RNF220: variants seen among roughly 807,000 people sequenced by gnomAD.
RNF220 encodes E3 ubiquitin-protein ligase RNF220.
RNF220 carries 7 observed loss-of-function variants against 67.1 expected under a neutral mutation model. That is an observed-to-expected ratio of 0.10 (90% CI 0.06 to 0.20). RNF220 has a LOEUF of 0.20. Ranked by LOEUF, RNF220 falls within the 10% of genes least tolerant of loss-of-function variation. The pLI is 1.00. For synonymous variants in RNF220, 270 were observed against 283.2 expected, an observed-to-expected ratio of 0.95 and a Z score of 0.47; for missense variants, 565 against 740.3, an observed-to-expected ratio of 0.76 and a Z score of 2.75.
At chr1:44,551,780 CTG>C (rs1190101335) in intron 2 of RNF220, among the ~76,000 whole-genome samples, 1 of 152,360 alleles carries the variant, frequency 6.6e-6, no homozygotes, top group Non-Finnish European at 1.5e-5. Flanking sequence ...CATCCTAAGA[CTG>C]AGATTTTACC....
At chr1:44,409,615 AT>A (rs1647767581) in intron 1 of RNF220, among the ~76,000 whole-genome samples, 1 of 152,240 alleles carries the variant, frequency 6.6e-6, no homozygotes, top group Non-Finnish European at 1.5e-5. Context: ...ATTAAAAAAA[AT>A]CAGCATAGAG....
Position 44,649,637 on chromosome 1 carries a change from C to T in RNF220, c.1446-24C>T. 1 of 1,609,464 alleles carries T rather than the reference C, an allele frequency of 6.2e-7. No homozygotes were observed. Among genetic ancestry groups the T allele is most frequent in the Non-Finnish European group, 8.5e-7 (1 of 1,175,894 alleles). Reference sequence around the variant, plus strand: ...CAGATGAGAGATGCCAGCCTGCTACCCAACCATGCCTTCCTTTTTACAGAA... The same window carrying T: ...CAGATGAGAGATGCCAGCCTGCTACTCAACCATGCCTTCCTTTTTACAGAA... On this transcript the variant is annotated intron_variant, in intron 12 of 14. Coordinates refer to ENST00000361799, the MANE Select transcript of RNF220 (RefSeq NM_018150.4). The surrounding 1 kb of genome is among the most constrained non-coding windows in gnomAD (Gnocchi z 5.9).
At chr1:44,614,018 T>G (rs1009705255) in intron 2 of RNF220, 147 bp from the exon 3 acceptor site, 1 of 928,548 alleles carries the variant, frequency 1.1e-6, no homozygotes, top group African/African-American at 1.7e-5. Context: ...GGAGGGGTGC[T>G]CGTGGGCTCT....
At chr1:44,488,866 A>G (rs1656597828) in intron 2 of RNF220, among the ~76,000 whole-genome samples, 1 of 150,588 alleles carries the variant, frequency 6.6e-6, no homozygotes, top group South Asian at 2.1e-4. Flanking sequence ...AGTAGCTGGG[A>G]CCACAGGCGC....
At chr1:44,593,309 G>A (rs1666246351) in intron 2 of RNF220, among the ~76,000 whole-genome samples, 3 of 152,188 alleles carry the variant, frequency 2.0e-5, no homozygotes, top group South Asian at 4.1e-4. Context: ...ACACAGCATC[G>A]GACTATTAGG....
intron 2 of RNF220, among the ~76,000 whole-genome samples, chr1:44,485,279 T>TC (rs1254771739): frequency 6.6e-6 from 1 of 152,042 alleles, no homozygotes; most frequent in Admixed American, 6.6e-5. Context: ...ATTCTCTCCC[T>TC]CCCCCCAATC....
chr1:44,572,610 C>T (rs1291188424), intron 2 of RNF220, among the ~76,000 whole-genome samples: 1 of 152,082 alleles, frequency 6.6e-6, no homozygotes, highest in Non-Finnish European at 1.5e-5. Context: ...ACTGTTCCTT[C>T]TACCTCCTTC....
chr1:44,566,820 C>T (rs989261059), intron 2 of RNF220, among the ~76,000 whole-genome samples: 2 of 152,136 alleles, frequency 1.3e-5, no homozygotes, highest in African/African-American at 4.8e-5. Flanking sequence ...GGAGGTCACC[C>T]CAGTGACCTG....
intron 2 of RNF220, among the ~76,000 whole-genome samples, chr1:44,518,704 A>T (rs1411315791): frequency 2.0e-5 from 3 of 152,024 alleles, no homozygotes. Flanking sequence ...GTGAAACCCC[A>T]TGTCTACTAA....
chr1:44,575,384 T>C (rs1050949715), intron 2 of RNF220, among the ~76,000 whole-genome samples: 3 of 152,348 alleles, frequency 2.0e-5, no homozygotes, highest in East Asian at 1.9e-4. Context: ...ATATACCACA[T>C]TTTCTTTATC....
intron 2 of RNF220, among the ~76,000 whole-genome samples, chr1:44,539,216 A>G (rs956626830): frequency 6.6e-6 from 1 of 151,958 alleles, no homozygotes; most frequent in Non-Finnish European, 1.5e-5. Flanking sequence ...GTGAGACTCC[A>G]TCTCTAAATA....
At chr1:44,469,760 T>C (rs1197636293) in intron 2 of RNF220, among the ~76,000 whole-genome samples, 1 of 152,058 alleles carries the variant, frequency 6.6e-6, no homozygotes, top group Non-Finnish European at 1.5e-5. Flanking sequence ...TTGAACTGAT[T>C]AGGATGAATA....
chr1:44,555,332 T>A (rs1662985080), intron 2 of RNF220, among the ~76,000 whole-genome samples: 1 of 152,170 alleles, frequency 6.6e-6, no homozygotes. Flanking sequence ...CCTCCCAAAG[T>A]GCTGGGATTA....
intron 2 of RNF220, among the ~76,000 whole-genome samples, chr1:44,576,845 C>T (rs1424205292): frequency 6.6e-6 from 1 of 152,172 alleles, no homozygotes; most frequent in Admixed American, 6.5e-5. Flanking sequence ...GCTGAAGTCT[C>T]AATGATCTTC....
intron 2 of RNF220, among the ~76,000 whole-genome samples, chr1:44,522,271 A>G (rs998862270): frequency 1.3e-5 from 2 of 152,206 alleles, no homozygotes; most frequent in Admixed American, 6.5e-5. Flanking sequence ...ACTGAATTGG[A>G]CAAATCGCTG....
chr1:44,426,478 G>A (rs1649785058), intron 2 of RNF220, among the ~76,000 whole-genome samples: 1 of 152,206 alleles, frequency 6.6e-6, no homozygotes, highest in Non-Finnish European at 1.5e-5. Context: ...TGTAATCCCA[G>A]CACTTTGGGA....
chr1:44,634,028 C>T (rs1348197517), intron 6 of RNF220, among the ~76,000 whole-genome samples: 3 of 152,212 alleles, frequency 2.0e-5, no homozygotes, highest in Non-Finnish European at 4.4e-5. Context: ...GGCTACAGAC[C>T]AAGTTTCCTC....
At chr1:44,506,226 G>A (rs973416213) in intron 2 of RNF220, among the ~76,000 whole-genome samples, 7 of 152,226 alleles carry the variant, frequency 4.6e-5, no homozygotes, top group Non-Finnish European at 8.8e-5. Flanking sequence ...GAGAGGGCTG[G>A]GTATGCAGAA....
intron 8 of RNF220, chr1:44,644,095 C>T (rs1314486341): frequency 6.5e-6 from 1 of 154,820 alleles, no homozygotes; most frequent in African/African-American, 2.4e-5. Context: ...TATAACTGCA[C>T]TTGTCCAGGA....
Sources: allele counts gnomAD v4.1 joint callset (sites outside exome capture counted in the v4.1 genomes callset), GRCh38; gene constraint gnomAD v4.1.1; non-coding constraint Gnocchi (gnomAD v3.1); transcripts MANE v1.5; gene names NCBI Gene and HGNC (gene_info 2026-07-23, HGNC 2026-07-21).